NARF: variants seen among roughly 807,000 people sequenced by gnomAD.
NARF encodes the protein nuclear prelamin A recognition factor.
A neutral mutation model predicts 48.0 loss-of-function variants in NARF; 41 were observed. That is an observed-to-expected ratio of 0.85 (90% CI 0.66 to 1.11). The LOEUF (loss-of-function observed/expected upper bound fraction) is 1.11, where lower values mean the gene tolerates loss of function less well. Ranked by LOEUF, NARF falls within the 50% of genes least tolerant of loss-of-function variation. The pLI is 0.00. For synonymous variants in NARF, 215 were observed against 225.5 expected, an observed-to-expected ratio of 0.95 and a Z score of 0.42; for missense variants, 613 against 590.2, an observed-to-expected ratio of 1.04 and a Z score of -0.40.
intron 6 of NARF, chr17:82,480,074 G>A (rs1053052748): frequency 5.6e-6 from 1 of 180,078 alleles, no homozygotes; most frequent in Non-Finnish European, 1.2e-5. Context: ...GCAACCAGGG[G>A]CGGGTTTCCT....
rs1599818740 is a variant in NARF, at chr17:82,464,208, A to G, written c.109-79A>G. On this transcript the variant is annotated intron_variant, in intron 2 of 10. Transcript: ENST00000309794. ...CTCCAATGTTTACTGTGAATTCTGT[A>G]TATGGGTGTTACCCTCTCTAAAGAA... 5.9e-6 allele frequency: 9 copies of G among 1,531,190 alleles called. No individual in the cohort carries two copies. In the East Asian group the frequency reaches 9.0e-5, roughly 15 times the overall value. 94.9% of individuals were successfully genotyped at this position (1,531,190 alleles called of 1,614,324 possible).
Position 82,481,089 on chromosome 17 carries a change from C to T in NARF, c.647C>T (p.Ser216Phe). ...GGTGCCCCTCTCCCACAGAACCTGT[C>T]TCCAGAGAAGATTTTCCACGTCATT... is the stretch of plus-strand genomic sequence containing the variant. ...KDYFARQQNL[S>F]PEKIFHVIVA... The change falls in exon 7 of 11, where the codon TCT (serine) becomes TTT (phenylalanine). Residue 216 changes from serine (S) to phenylalanine (F), a missense_variant. By Grantham distance (155) the Ser-to-Phe change is radical. Transcript: ENST00000309794. 1 of 1,614,162 alleles carries T rather than the reference C, an allele frequency of 6.2e-7. No individual in the cohort carries two copies. Among genetic ancestry groups the T allele is most frequent in the Non-Finnish European group, 8.5e-7 (1 of 1,180,014 alleles).
intron 2 of NARF, chr17:82,463,317 G>C (rs1204410661): frequency 6.6e-6 from 1 of 152,174 alleles, no homozygotes; most frequent in East Asian, 1.9e-4. Flanking sequence ...TGGAAGTGCT[G>C]AGGAACAAGA....
intron 4 of NARF, among the ~76,000 whole-genome samples, chr17:82,471,474 C>T (rs117928323): frequency 1.4e-5 from 2 of 143,882 alleles, no homozygotes; most frequent in South Asian, 2.2e-4. Flanking sequence ...AAAAAAAATT[C>T]AGTATAAAAA....
chr17:82,463,476 T>C (rs2043485233), intron 2 of NARF: 1 of 152,170 alleles, frequency 6.6e-6, no homozygotes, highest in Non-Finnish European at 1.5e-5. Flanking sequence ...TTGGACATCG[T>C]CTCTGCTGAA....
At chr17:82,470,634 A>T (rs978797677) in intron 4 of NARF, among the ~76,000 whole-genome samples, 8 of 151,902 alleles carry the variant, frequency 5.3e-5, no homozygotes, top group Admixed American at 1.3e-4. Flanking sequence ...GGCTGGGACT[A>T]CAGGCGCCCG....
chr17:82,468,674 TA>T (rs3214988), intron 3 of NARF, 89 bp from the exon 4 acceptor site: 504,505 of 1,280,752 alleles, frequency 0.39, 109,712 homozygotes, highest in East Asian at 0.88. Flanking sequence ...GACCATCTAT[TA>T]ACGTTGTTCT....
At chr17:82,472,813 G>T in intron 5 of NARF, 115 bp downstream of exon 5, 1 of 1,301,962 alleles carries the variant, frequency 7.7e-7, no homozygotes, top group Non-Finnish European at 1.0e-6. Flanking sequence ...CAGCCTTGTA[G>T]ACCAGGAGGG....
intron 10 of NARF, 124 bp from the exon 11 acceptor site, chr17:82,487,791 TC>T: frequency 3.0e-6 from 1 of 331,474 alleles, no homozygotes; most frequent in Non-Finnish European, 5.9e-6. Context: ...TCCCGCCCAA[TC>T]TCTACAAAAA....
intron 7 of NARF, chr17:82,481,970 A>G (rs1174287696): frequency 9.5e-6 from 3 of 314,380 alleles, no homozygotes; most frequent in East Asian, 1.1e-4. Context: ...TTACCACGGT[A>G]TTGGCCACTC....
At chr17:82,471,582 G>C (rs1184485674) in intron 4 of NARF, among the ~76,000 whole-genome samples, 1 of 149,478 alleles carries the variant, frequency 6.7e-6, no homozygotes, top group Non-Finnish European at 1.5e-5. Flanking sequence ...CACGAGGTCA[G>C]GAGATCGAGA....
intron 3 of NARF, among the ~76,000 whole-genome samples, chr17:82,468,186 C>T (rs1047897756): frequency 1.3e-5 from 2 of 152,068 alleles, no homozygotes; most frequent in African/African-American, 4.8e-5. Flanking sequence ...TGGCAGGTCC[C>T]TATAATCCCA....
Position 82,488,018 on chromosome 17 carries a change from G to A in NARF, c.1232G>A (p.Arg411His), listed in dbSNP as rs752067226. ...EGIYADIPVR[R>H]PESSAHVQEL... ...ATTTACGCTGACATCCCTGTGCGGCGTCCGGAGTCCAGTGCACACGTGCAG... is the reference window on the plus strand; with the variant it reads ...ATTTACGCTGACATCCCTGTGCGGCATCCGGAGTCCAGTGCACACGTGCAG... Residue 411 changes from arginine (R) to histidine (H), a missense_variant, in exon 11 of 11, where the codon CGT becomes CAT. Arg to His is a conservative substitution (Grantham distance 29). Transcript: ENST00000309794. 8.1e-6 allele frequency: 13 copies of A among 1,614,064 alleles called. No homozygotes were observed. The highest frequency in any genetic ancestry group is 3.3e-5 in the South Asian group (3 of 91,086).
intron 3 of NARF, among the ~76,000 whole-genome samples, chr17:82,466,557 A>G (rs1017972976): frequency 1.3e-5 from 2 of 151,666 alleles, no homozygotes; most frequent in African/African-American, 2.4e-5. Flanking sequence ...GGTTCAAGCA[A>G]TTCTCCTACC....
chr17:82,485,416 G>A (rs1275648150), intron 9 of NARF, 81 bp from the exon 10 acceptor site: 37 of 1,432,918 alleles, frequency 2.6e-5, no homozygotes, highest in East Asian at 5.2e-5. Flanking sequence ...GCAAGACTCC[G>A]TCTCAAAAAA....
intron 7 of NARF, 26 bp downstream of exon 7, chr17:82,481,237 G>C: frequency 6.2e-7 from 1 of 1,612,176 alleles, no homozygotes; most frequent in East Asian, 2.2e-5. Context: ...GGGTGCACCT[G>C]GGCGCTGGGG....
At chr17:82,484,419 G>A in intron 8 of NARF, 1 of 167,656 alleles carries the variant, frequency 6.0e-6, no homozygotes, top group Non-Finnish European at 1.3e-5. Flanking sequence ...TATAATCACA[G>A]TACTTTGGGA....
chr17:82,478,654 A>G (rs1262565616), intron 5 of NARF, 146 bp from the exon 6 acceptor site: 1 of 838,388 alleles, frequency 1.2e-6, no homozygotes. Flanking sequence ...TTTTGGGTCC[A>G]GCACGAGCTC....
intron 4 of NARF, among the ~76,000 whole-genome samples, chr17:82,469,224 C>T (rs1216845210): frequency 6.6e-6 from 1 of 152,250 alleles, no homozygotes; most frequent in Non-Finnish European, 1.5e-5. Context: ...ACCTCCAAGT[C>T]ACCCCTTACC....
Sources: gnomAD v4.1 joint callset for allele counts (sites outside exome capture counted in the v4.1 genomes callset) on GRCh38, gnomAD v4.1.1 for gene constraint, MANE v1.5 for transcripts, NCBI Gene and HGNC (gene_info 2026-07-23, HGNC 2026-07-21) for gene names.